CHD4: variants seen among roughly 807,000 people sequenced by gnomAD.
CHD4 encodes chromodomain helicase DNA binding protein 4.
Under a neutral mutation model 235.5 loss-of-function variants are expected in CHD4, and 35 were observed. That is an observed-to-expected ratio of 0.15 (90% CI 0.11 to 0.20). The LOEUF (loss-of-function observed/expected upper bound fraction) is 0.20, where lower values mean the gene tolerates loss of function less well. Ranked by LOEUF, CHD4 falls within the 10% of genes least tolerant of loss-of-function variation. The probability of loss-of-function intolerance (pLI) is 1.00; values close to 1 mark genes in which losing one functional copy is unlikely to be tolerated. For missense variants in CHD4, 1,329 were observed against 2,432.3 expected, an observed-to-expected ratio of 0.55 and a Z score of 9.54; for synonymous variants, 900 against 850.2, an observed-to-expected ratio of 1.06 and a Z score of -1.02.
chr12:6,571,315 TC>T (rs1947964573), intron 38 of CHD4: 1 of 347,880 alleles, frequency 2.9e-6, no homozygotes, highest in African/African-American at 2.1e-5. Flanking sequence ...TTCTCTACCT[TC>T]AGAATCTGTC....
chr12:6,601,929 A>G, intron 4 of CHD4, 31 bp downstream of exon 4: 1 of 1,604,650 alleles, frequency 6.2e-7, no homozygotes, highest in Non-Finnish European at 8.5e-7. Context: ...AAAGTTTAAC[A>G]GTACAAAGAA....
At position 6,582,820 on chromosome 12, in the gene CHD4, C is replaced by T. The variant is rs763359336; in HGVS notation, c.4236+28G>A. Reference sequence around the variant, plus strand: ...CCAAAGATGCAATATCTGACACTCACCCCTCCTTAGAATCGTATGGCACTT... The same window carrying T: ...CCAAAGATGCAATATCTGACACTCATCCCTCCTTAGAATCGTATGGCACTT... On this transcript the variant is annotated intron_variant, in intron 28 of 39. Transcript: ENST00000544040. 3.3e-5 allele frequency: 53 copies of T among 1,613,840 alleles called. 1 individual carries two copies. The South Asian group carries it at 3.4e-4, about 10-fold the overall frequency.
chr12:6,587,638 T>C, intron 24 of CHD4, 74 bp downstream of exon 24: 1 of 1,605,530 alleles, frequency 6.2e-7, no homozygotes, highest in South Asian at 1.1e-5. Context: ...ACAAGACCCT[T>C]GGTATCAAAG....
At chr12:6,601,180 C>T in intron 6 of CHD4, 109 bp downstream of exon 6, 7 of 1,533,624 alleles carry the variant, frequency 4.6e-6, no homozygotes, top group Non-Finnish European at 6.1e-6. Context: ...AAGACTCATT[C>T]CTCCCTCCTA....
In CHD4 at chr12:6,580,727, A is replaced by AAAAAAAG. The variant is rs1555163920; in HGVS notation, c.4909+316_4909+317insCTTTTTT. On this transcript the variant is annotated intron_variant, in intron 33 of 39. Transcript: ENST00000544040. ...TTGAAAAAAAAAAAAAAAAAAAAAA[A>AAAAAAAG]GCCAGGCACAGTGGCTCATGCCTGT... is the stretch of plus-strand genomic sequence containing the variant. 3.0e-3 allele frequency: 735 copies of AAAAAAAG among 244,462 alleles called. 65 individuals carry two copies. Among genetic ancestry groups the AAAAAAAG allele is most frequent in the African/African-American group, 0.021 (682 of 32,488 alleles). 15.1% of individuals were successfully genotyped at this position (244,462 alleles called of 1,614,324 possible).
intron 12 of CHD4, among the ~76,000 whole-genome samples, chr12:6,597,313 ATG>A (rs1491357509): frequency 1.3e-5 from 2 of 151,054 alleles, no homozygotes; most frequent in African/African-American, 2.4e-5. Context: ...AGATAATAAC[ATG>A]AAGTGTCAGG....
At position 6,573,232 on chromosome 12, in the gene CHD4, C is replaced by T; in HGVS notation, c.5399G>A (p.Arg1800His). The T allele has an allele frequency of 3.2e-6, 5 of 1,578,608 alleles. No individual in the cohort carries two copies. Among genetic ancestry groups the T allele is most frequent in the Non-Finnish European group, 4.3e-6 (5 of 1,167,822 alleles). ...TGACATGTTCAAGTAAGCAGCCCGG[C>T]GCAGCTGTTCCTCAATCACCAGAGC... ...EQALVIEEQL[R>H]RAAYLNMSED... is the part of the protein sequence containing the mutation. Residue 1800 changes from arginine to histidine, a missense_variant, in exon 38 of 40, where the codon CGC becomes CAC. By Grantham distance (29) the Arg-to-His change is conservative (BLOSUM62 0). Coordinates refer to ENST00000544040, the MANE Select transcript of CHD4 (RefSeq NM_001273.5).
chr12:6,604,786 G>GACC (rs1270672866), intron 2 of CHD4, among the ~76,000 whole-genome samples: 1 of 152,168 alleles, frequency 6.6e-6, no homozygotes, highest in Non-Finnish European at 1.5e-5. Context: ...GGAAAAAGTG[G>GACC]GTCATGCTAC....
At position 6,596,088 on chromosome 12, in the gene CHD4, G is replaced by T; in HGVS notation, c.1942C>A (p.Pro648Thr). The T allele has an allele frequency of 6.2e-7, 1 of 1,614,034 alleles. No individual in the cohort carries two copies. The highest frequency in any genetic ancestry group is 8.5e-7 in the Non-Finnish European group (1 of 1,179,982). ...VHYLIKWRDL[P>T]YDQASWESED... Reference sequence around the variant, plus strand: ...CTCTCCCAAGAAGCCTGATCGTAAGGTAAGTCCCGCCACTTGATCAAGTAG... The same window carrying T: ...CTCTCCCAAGAAGCCTGATCGTAAGTTAAGTCCCGCCACTTGATCAAGTAG... The change falls in exon 13 of 40, where the codon CCT (proline) becomes ACT (threonine). Residue 648 changes from proline (P) to threonine (T), a missense_variant. This residue lies in a region of CHD4 where 121 missense variants were observed against 177.8 expected (regional missense o/e 0.68). Transcript: ENST00000544040.
chr12:6,588,439 A>C lies in CHD4; in HGVS notation c.3341-17T>G, dbSNP rs746984687. 3.1e-6 allele frequency: 5 copies of C among 1,611,938 alleles called. No individual in the cohort carries two copies. In the East Asian group the frequency reaches 1.1e-4, roughly 36 times the overall value. ...CACCCGGTGCTAATAAAAGAACCAA[A>C]AACACCATTAGAAGTGTCTCCTAAA... On this transcript the variant is annotated splice_polypyrimidine_tract_variant and intron_variant, in intron 22 of 39. Coordinates refer to ENST00000544040, the MANE Select transcript of CHD4 (RefSeq NM_001273.5).
Position 6,578,906 on chromosome 12 carries a change from C to T in CHD4, c.4921G>A (p.Val1641Ile), listed in dbSNP as rs780147580. The change falls in exon 34 of 40, where the codon GTA becomes ATA. Residue 1641 changes from valine to isoleucine, a missense_variant. This residue lies in a region of CHD4 where 219 missense variants were observed against 219.3 expected (regional missense o/e 1.00). Transcript: ENST00000544040. ...METEPKGAADVEKVEEKSAID... is the reference protein window; with the variant it reads ...METEPKGAADIEKVEEKSAID... ...GCTGACTTTTCCTCCACCTTCTCTA[C>T]ATCAGCAGCACCTAGGGGAAGAAAT... 3.1e-5 allele frequency: 50 copies of T among 1,614,174 alleles called. No homozygotes were observed. Among genetic ancestry groups the T allele is most frequent in the Non-Finnish European group, 3.9e-5 (46 of 1,179,994 alleles).
Position 6,593,878 on chromosome 12 carries a change from C to T in CHD4, c.2314-262G>A, listed in dbSNP as rs1189101390. On this transcript the variant is annotated intron_variant, in intron 15 of 39. Transcript: ENST00000544040. The surrounding 1 kb of genome is among the most constrained non-coding windows in gnomAD (Gnocchi z 4.9). ...GAGACGGAGTTTCACTCTTGTTGCCCAGGCTGGAGTGCAATGGCGCAATCT... is the reference window on the plus strand; with the variant it reads ...GAGACGGAGTTTCACTCTTGTTGCCTAGGCTGGAGTGCAATGGCGCAATCT... Among the ~76,000 whole-genome samples the T allele has an allele frequency of 6.6e-6, 1 of 152,148 alleles. No homozygotes were observed.
rs758272043 is a variant in CHD4, at chr12:6,598,396, C to A, written c.1512G>T (p.Lys504Asn). ...GCTGACCCCACTTCCAGATTAGGAT[C>A]TTCTGCACTTTGCCCTTCAGAGCTG... The part of the protein sequence containing the change: ...TCPALKGKVQ[K>N]ILIWKWGQPP... Residue 504 changes from lysine (K) to asparagine (N), a missense_variant, in exon 11 of 40, where the codon AAG becomes AAT. By Grantham distance (94) the Lys-to-Asn change is moderately conservative (BLOSUM62 0). Transcript: ENST00000544040. 1 of 1,611,824 alleles carries A rather than the reference C, an allele frequency of 6.2e-7. No individual in the cohort carries two copies. Among genetic ancestry groups the A allele is most frequent in the African/African-American group, 1.3e-5 (1 of 74,976 alleles).
chr12:6,596,368 G>A (rs1948495173), intron 12 of CHD4, among the ~76,000 whole-genome samples: 1 of 152,160 alleles, frequency 6.6e-6, no homozygotes, highest in Admixed American at 6.5e-5. Flanking sequence ...ATAGAGTGTT[G>A]GCCGGGTGCA....
At chr12:6,597,121 A>C (rs983728932) in intron 12 of CHD4, among the ~76,000 whole-genome samples, 4 of 148,406 alleles carry the variant, frequency 2.7e-5, no homozygotes, top group African/African-American at 1.0e-4. Flanking sequence ...TACAAAAAAA[A>C]AAAAATTAGC....
intron 22 of CHD4, chr12:6,591,200 T>C: frequency 3.0e-6 from 1 of 335,280 alleles, no homozygotes; most frequent in Admixed American, 4.6e-5. Flanking sequence ...ACTTGCTATT[T>C]GAGCTTGAAC....
chr12:6,583,841 G>C (rs1443009142), intron 25 of CHD4: 2 of 153,448 alleles, frequency 1.3e-5, no homozygotes, highest in Non-Finnish European at 2.9e-5. Context: ...ACTGTCTGCA[G>C]AACGAAAAGA....
chr12:6,581,865 T>C, intron 30 of CHD4, 51 bp from the exon 31 acceptor site: 1 of 1,493,264 alleles, frequency 6.7e-7, no homozygotes, highest in Non-Finnish European at 8.9e-7. Context: ...TACAGGCTCC[T>C]TTCCTATTGG....
chr12:6,578,559 G>A lies in CHD4; in HGVS notation c.4982-13C>T. The A allele has an allele frequency of 6.2e-7, 1 of 1,608,662 alleles. No homozygotes were observed. Among genetic ancestry groups the A allele is most frequent in the Non-Finnish European group, 8.5e-7 (1 of 1,179,438 alleles). On this transcript the variant is annotated splice_polypyrimidine_tract_variant and intron_variant, in intron 34 of 39. Transcript: ENST00000544040. Reference sequence around the variant, plus strand: ...TCTTTCTTCTCTTCTACAGAATATGGGGAAGAAAAATGTCAGCTCCAGCCA... The same window carrying A: ...TCTTTCTTCTCTTCTACAGAATATGAGGAAGAAAAATGTCAGCTCCAGCCA...
Sources: allele counts gnomAD v4.1 joint callset (sites outside exome capture counted in the v4.1 genomes callset), GRCh38; gene constraint gnomAD v4.1.1; regional missense constraint gnomAD v4.1.1; non-coding constraint Gnocchi (gnomAD v3.1); transcripts MANE v1.5; gene names NCBI Gene and HGNC (gene_info 2026-07-23, HGNC 2026-07-21).